The following PIK3C2G variants were observed in gnomAD, a reference collection of about 807,000 sequenced individuals.
PIK3C2G encodes the protein phosphatidylinositol 3-kinase C2 domain-containing subunit gamma.
PIK3C2G carries 168 observed loss-of-function variants against 181.1 expected under a neutral mutation model. That is an observed-to-expected ratio of 0.93 (90% CI 0.82 to 1.05). The LOEUF (loss-of-function observed/expected upper bound fraction) is 1.05. Among genes scored for constraint, PIK3C2G ranks in the 50% least tolerant of loss-of-function variants. PIK3C2G has a pLI of 0.00. For synonymous variants in PIK3C2G, 573 were observed against 592.2 expected, an observed-to-expected ratio of 0.97 and a Z score of 0.47; for missense variants, 1,869 against 1,732.8, an observed-to-expected ratio of 1.08 and a Z score of -1.40.
At chr12:18,382,874 C>G (rs752462014) in intron 14 of PIK3C2G, among the ~76,000 whole-genome samples, 23 of 152,046 alleles carry the variant, frequency 1.5e-4, no homozygotes, top group East Asian at 1.9e-4. Context: ...GAGAAAGATG[C>G]GCAGAAAAAT....
intron 18 of PIK3C2G, among the ~76,000 whole-genome samples, chr12:18,446,390 G>A (rs1947031041): frequency 6.6e-6 from 1 of 152,138 alleles, no homozygotes; most frequent in Non-Finnish European, 1.5e-5. Context: ...TTCATGGTAT[G>A]TATTCTCTGC....
At chr12:18,591,232 A>T (rs1470423462) in intron 29 of PIK3C2G, among the ~76,000 whole-genome samples, 1 of 151,950 alleles carries the variant, frequency 6.6e-6, no homozygotes, top group Non-Finnish European at 1.5e-5. Context: ...CTAATTTACA[A>T]TGATACATAG....
the PIK3C2G span, among the ~76,000 whole-genome samples, chr12:18,695,634 A>G: frequency 1.3e-5 from 2 of 152,120 alleles, no homozygotes; most frequent in Non-Finnish European, 2.9e-5. Flanking sequence ...CCTTGCCACA[A>G]TCCAGTAGAA....
the PIK3C2G span, among the ~76,000 whole-genome samples, chr12:18,661,246 C>G: frequency 6.6e-6 from 1 of 152,008 alleles, no homozygotes; most frequent in Admixed American, 6.6e-5. Flanking sequence ...AGAAATAGTA[C>G]CCCAAATATT....
At chr12:18,249,110 C>A (rs557248906) in intron 1 of PIK3C2G, among the ~76,000 whole-genome samples, 17 of 152,244 alleles carry the variant, frequency 1.1e-4, no homozygotes, top group South Asian at 2.1e-4. Flanking sequence ...TCTTTTTGGA[C>A]TGTACGCTGT....
At chr12:18,328,004 C>G (rs149940330) in intron 8 of PIK3C2G, among the ~76,000 whole-genome samples, 2 of 151,996 alleles carry the variant, frequency 1.3e-5, no homozygotes, top group East Asian at 3.9e-4. Flanking sequence ...CTAGTAGTCT[C>G]TAATATGTTG....
intron 30 of PIK3C2G, among the ~76,000 whole-genome samples, chr12:18,598,467 A>T (rs1156616295): frequency 0.021 from 3,155 of 149,708 alleles, 114 homozygotes; most frequent in African/African-American, 0.074. Flanking sequence ...TGAAACTGGA[A>T]CCCTTCCTTA....
At chr12:18,636,537 T>C (rs7315676) in intron 31 of PIK3C2G, among the ~76,000 whole-genome samples, 5,288 of 152,284 alleles carry the variant, frequency 0.035, 309 homozygotes, top group African/African-American at 0.12. Flanking sequence ...CTGGTGGTCT[T>C]TGTTAACAGG....
At chr12:18,439,023 T>G (rs1946595751) in intron 18 of PIK3C2G, among the ~76,000 whole-genome samples, 1 of 151,974 alleles carries the variant, frequency 6.6e-6, no homozygotes, top group Non-Finnish European at 1.5e-5. Flanking sequence ...GACATGGAAT[T>G]TGGATCTCAG....
At chr12:18,696,119 T>G in the PIK3C2G span, 1 of 1,140,202 alleles carries the variant, frequency 8.8e-7, no homozygotes. Flanking sequence ...ATGTTACTTC[T>G]GCAAACAACT....
At chr12:18,265,427 T>C (rs1336234821) in intron 1 of PIK3C2G, among the ~76,000 whole-genome samples, 2 of 152,192 alleles carry the variant, frequency 1.3e-5, no homozygotes, top group African/African-American at 4.8e-5. Context: ...GTAAAGTTAA[T>C]ATTAGTTAAT....
At chr12:18,319,403 C>T (rs905827934) in intron 6 of PIK3C2G, among the ~76,000 whole-genome samples, 5 of 151,794 alleles carry the variant, frequency 3.3e-5, no homozygotes, top group African/African-American at 7.3e-5. Flanking sequence ...AAGTTAAGTG[C>T]ACACTATCTT....
At chr12:18,654,540 G>A in the PIK3C2G span, among the ~76,000 whole-genome samples, 3 of 152,148 alleles carry the variant, frequency 2.0e-5, no homozygotes, top group African/African-American at 7.2e-5. Flanking sequence ...GGATGAAAAC[G>A]CATCTGTGTC....
At chr12:18,649,326 A>C (rs1343245801), downstream of PIK3C2G, among the ~76,000 whole-genome samples, 1 of 152,106 alleles carries the variant, frequency 6.6e-6, no homozygotes, top group Non-Finnish European at 1.5e-5. Context: ...CCAGAGAAGA[A>C]CTACCCATGC....
chr12:18,268,083 C>T (rs1469681318), intron 1 of PIK3C2G, among the ~76,000 whole-genome samples: 1 of 152,062 alleles, frequency 6.6e-6, no homozygotes, highest in African/African-American at 2.4e-5. Context: ...GAAAATGAAC[C>T]ATTTCTTTAC....
chr12:18,712,773 A>G, the PIK3C2G span: 1 of 1,560,072 alleles, frequency 6.4e-7, no homozygotes, highest in Non-Finnish European at 8.8e-7. Flanking sequence ...GCATTATAGG[A>G]TTTTGAAGCA....
the PIK3C2G span, chr12:18,683,570 T>C: frequency 6.8e-7 from 1 of 1,474,268 alleles, no homozygotes; most frequent in Admixed American, 2.0e-5. Flanking sequence ...CGCTGCATGA[T>C]CCAAAATTAG....
intron 5 of PIK3C2G, among the ~76,000 whole-genome samples, chr12:18,297,955 T>C (rs528885558): frequency 6.6e-6 from 1 of 152,170 alleles, no homozygotes; most frequent in East Asian, 1.9e-4. Flanking sequence ...ATTCCGTATC[T>C]TGGCTAATGT....
At chr12:18,249,125 G>T (rs969758196) in intron 1 of PIK3C2G, among the ~76,000 whole-genome samples, 1 of 152,050 alleles carries the variant, frequency 6.6e-6, no homozygotes, top group Non-Finnish European at 1.5e-5. Flanking sequence ...CGCTGTGCTA[G>T]AATATCTGTT....
Sources: allele counts gnomAD v4.1 joint callset (sites outside exome capture counted in the v4.1 genomes callset), GRCh38; gene constraint gnomAD v4.1.1; transcripts MANE v1.5; gene names NCBI Gene and HGNC (gene_info 2026-07-23, HGNC 2026-07-21).